Variants in SGMS1 observed in about 807,000 individuals in gnomAD.
SGMS1 encodes the protein sphingomyelin synthase 1.
In SGMS1, 13 loss-of-function variants were observed where a neutral mutation model predicts 46.2. The observed-to-expected ratio is 0.28, with a 90% confidence interval of 0.18 to 0.45. SGMS1 has a LOEUF of 0.45. Ranked by LOEUF, SGMS1 falls within the 20% of genes least tolerant of loss-of-function variation. The pLI is 1.00. For missense variants in SGMS1, 324 were observed against 519.9 expected, an observed-to-expected ratio of 0.62 and a Z score of 3.66; for synonymous variants, 203 against 187.8, an observed-to-expected ratio of 1.08 and a Z score of -0.66.
intron 6 of SGMS1, among the ~76,000 whole-genome samples, chr10:50,390,544 A>G (rs934602661): frequency 6.6e-6 from 1 of 152,216 alleles, no homozygotes; most frequent in Non-Finnish European, 1.5e-5. Context: ...AGGCTGGAAC[A>G]GGAGGATGGC....
At chr10:50,365,802 T>A (rs537417526) in intron 6 of SGMS1, among the ~76,000 whole-genome samples, 1 of 152,336 alleles carries the variant, frequency 6.6e-6, no homozygotes, top group South Asian at 2.1e-4. Flanking sequence ...ATGGTATATA[T>A]GTACTACATT....
chr10:50,494,846 C>G (rs1301733457), intron 3 of SGMS1, among the ~76,000 whole-genome samples: 3 of 151,754 alleles, frequency 2.0e-5, no homozygotes, highest in African/African-American at 4.8e-5. Flanking sequence ...ACCATCCCGG[C>G]TAAAACGGTG....
upstream of SGMS1, chr10:50,624,531 G>T: frequency 1.1e-6 from 1 of 941,098 alleles, no homozygotes; most frequent in Non-Finnish European, 1.3e-6. Flanking sequence ...GGAGCGCGAC[G>T]GAGGCGCAAG....
At chr10:50,471,973 C>T (rs764201077) in intron 3 of SGMS1, among the ~76,000 whole-genome samples, 1 of 152,144 alleles carries the variant, frequency 6.6e-6, no homozygotes, top group African/African-American at 2.4e-5. Flanking sequence ...TTGGTTCGCA[C>T]CCAGTAAAAT....
At position 50,623,874 on chromosome 10, in the gene SGMS1, C is replaced by T; in HGVS notation, c.-851G>A. 1 of 986,824 alleles carries T rather than the reference C, an allele frequency of 1.0e-6. No individual in the cohort carries two copies. Among genetic ancestry groups the T allele is most frequent in the Non-Finnish European group, 1.2e-6 (1 of 831,200 alleles). 61.1% of individuals were successfully genotyped at this position (986,824 alleles called of 1,614,324 possible). ...AGCCCAGGCCGGTCCTTCTCACTCCCGACCTGCCCGCCGCCTGCCGCCCGC... is the reference window on the plus strand; with the variant it reads ...AGCCCAGGCCGGTCCTTCTCACTCCTGACCTGCCCGCCGCCTGCCGCCCGC... On this transcript the variant is annotated 5_prime_UTR_variant, in exon 1 of 11. Coordinates refer to ENST00000361781, the MANE Select transcript of SGMS1 (RefSeq NM_147156.4).
At chr10:50,525,300 G>A (rs1564424145) in intron 2 of SGMS1, among the ~76,000 whole-genome samples, 1 of 152,316 alleles carries the variant, frequency 6.6e-6, no homozygotes, top group Admixed American at 6.5e-5. Flanking sequence ...AGCCCTGTGT[G>A]CCGCAGATCC....
At chr10:50,365,255 C>CAAAAAAAAAAAAGAAAAAAAA (rs1848316298) in intron 6 of SGMS1, among the ~76,000 whole-genome samples, 1 of 45,026 alleles carries the variant, frequency 2.2e-5, no homozygotes, top group Admixed American at 3.3e-4. Context: ...TCCATCTCAC[C>CAAAAAAAAAAAAGAAAAAAAA]AAAAAAAAAA....
At chr10:50,545,898 A>T (rs1838097080) in intron 2 of SGMS1, among the ~76,000 whole-genome samples, 1 of 152,206 alleles carries the variant, frequency 6.6e-6, no homozygotes, top group African/African-American at 2.4e-5. Flanking sequence ...GGTCATAATA[A>T]ATGATTATAT....
intron 3 of SGMS1, among the ~76,000 whole-genome samples, chr10:50,516,297 G>A (rs966104710): frequency 6.6e-6 from 1 of 152,194 alleles, no homozygotes; most frequent in Non-Finnish European, 1.5e-5. Flanking sequence ...TTAAGGGGAT[G>A]CAGAATGTAA....
At chr10:50,562,989 C>A (rs186700038) in intron 2 of SGMS1, among the ~76,000 whole-genome samples, 249 of 152,302 alleles carry the variant, frequency 1.6e-3, no homozygotes, top group Non-Finnish European at 2.6e-3. Flanking sequence ...TAAGCTCTGT[C>A]TAGCTCTTCC....
At chr10:50,565,299 T>C (rs1460145797) in intron 2 of SGMS1, among the ~76,000 whole-genome samples, 1 of 152,132 alleles carries the variant, frequency 6.6e-6, no homozygotes, top group Admixed American at 6.5e-5. Flanking sequence ...AAAAAATATA[T>C]ATTTTTATAC....
intron 2 of SGMS1, among the ~76,000 whole-genome samples, chr10:50,544,865 G>A (rs968835131): frequency 1.3e-5 from 2 of 152,314 alleles, no homozygotes; most frequent in South Asian, 4.1e-4. Context: ...GCCCCAAGAA[G>A]AAACGTGTGC....
At chr10:50,310,708 T>C (rs908043087) in intron 9 of SGMS1, among the ~76,000 whole-genome samples, 2 of 152,232 alleles carry the variant, frequency 1.3e-5, no homozygotes, top group African/African-American at 2.4e-5. Flanking sequence ...ATGCGGTATT[T>C]ATAATATTAT....
chr10:50,496,870 A>T (rs1837619626), intron 3 of SGMS1, among the ~76,000 whole-genome samples: 1 of 152,202 alleles, frequency 6.6e-6, no homozygotes, highest in Non-Finnish European at 1.5e-5. Context: ...GAGCTACAGT[A>T]AGGATAAAGC....
intron 7 of SGMS1, chr10:50,327,954 C>T (rs1196394445): frequency 2.2e-5 from 6 of 273,560 alleles, no homozygotes; most frequent in Non-Finnish European, 3.5e-5. Flanking sequence ...GGGGTAACAA[C>T]ATTAGAAATG....
chr10:50,614,105 GTCTT>G (rs753271952), intron 1 of SGMS1, among the ~76,000 whole-genome samples: 27 of 145,206 alleles, frequency 1.9e-4, no homozygotes, highest in African/African-American at 2.7e-4. Flanking sequence ...TGAACAGGAA[GTCTT>G]TCTTTTTTTT....
chr10:50,607,987 T>C (rs371427691), intron 1 of SGMS1, among the ~76,000 whole-genome samples: 5 of 152,204 alleles, frequency 3.3e-5, no homozygotes, highest in African/African-American at 9.7e-5. Flanking sequence ...CCACCCAGTA[T>C]CACAAACATT....
intron 2 of SGMS1, among the ~76,000 whole-genome samples, chr10:50,543,320 C>T (rs956432147): frequency 2.6e-5 from 4 of 152,190 alleles, no homozygotes; most frequent in African/African-American, 9.6e-5. Flanking sequence ...GGCACTTTAA[C>T]ACATCCACAC....
intron 2 of SGMS1, among the ~76,000 whole-genome samples, chr10:50,533,154 A>C (rs1254533365): frequency 6.6e-6 from 1 of 152,224 alleles, no homozygotes; most frequent in African/African-American, 2.4e-5. Flanking sequence ...TTTCCATATA[A>C]CTTTTCTAAA....
Sources: allele counts gnomAD v4.1 joint callset (sites outside exome capture counted in the v4.1 genomes callset), GRCh38; gene constraint gnomAD v4.1.1; transcripts MANE v1.5; gene names NCBI Gene and HGNC (gene_info 2026-07-23, HGNC 2026-07-21).